Variants in DLGAP1 observed in about 807,000 individuals in gnomAD.
The protein encoded by DLGAP1 is DLG associated protein 1, also known as disks large-associated protein 1.
Under a neutral mutation model 90.8 loss-of-function variants are expected in DLGAP1, and 11 were observed. That is an observed-to-expected ratio of 0.12 (90% CI 0.08 to 0.20). The LOEUF (loss-of-function observed/expected upper bound fraction) is 0.20. Ranked by LOEUF, DLGAP1 falls within the 10% of genes least tolerant of loss-of-function variation. The pLI is 1.00. For missense variants in DLGAP1, 1,050 were observed against 1,333.8 expected (o/e 0.79, Z 3.31); for synonymous variants, 558 against 540.7 (o/e 1.03, Z -0.44).
intron 2 of DLGAP1, among the ~76,000 whole-genome samples, chr18:4,039,261 A>G (rs2074939209): frequency 1.3e-5 from 2 of 152,292 alleles, no homozygotes; most frequent in Non-Finnish European, 1.5e-5. Context: ...TCTCTGACCC[A>G]GGCCCCACTA....
intron 1 of DLGAP1, among the ~76,000 whole-genome samples, chr18:4,247,399 C>T (rs1333740207): frequency 6.6e-6 from 1 of 152,202 alleles, no homozygotes; most frequent in Non-Finnish European, 1.5e-5. Context: ...CCCATGCGGC[C>T]TTGGCTTCAG....
intron 1 of DLGAP1, among the ~76,000 whole-genome samples, chr18:4,223,995 GA>G (rs2078133683): frequency 6.6e-6 from 1 of 152,196 alleles, no homozygotes; most frequent in African/African-American, 2.4e-5. Flanking sequence ...TCTAGTTAGA[GA>G]AATGAGAATG....
intron 2 of DLGAP1, among the ~76,000 whole-genome samples, chr18:4,149,628 C>T (rs144196773): frequency 5.9e-5 from 9 of 152,292 alleles, no homozygotes; most frequent in South Asian, 2.1e-4. Context: ...GCGTGCATTA[C>T]GGCCTGAGCT....
intron 5 of DLGAP1, among the ~76,000 whole-genome samples, chr18:3,770,766 C>A (rs902204271): frequency 6.6e-6 from 1 of 152,190 alleles, no homozygotes; most frequent in Non-Finnish European, 1.5e-5. Context: ...CCCATCAATC[C>A]ATTATCACCA....
intron 2 of DLGAP1, among the ~76,000 whole-genome samples, chr18:4,145,206 T>C (rs1393946575): frequency 6.6e-6 from 1 of 152,232 alleles, no homozygotes; most frequent in African/African-American, 2.4e-5. Flanking sequence ...ATTATCATCC[T>C]GATAGTGATA....
intron 10 of DLGAP1, 120 bp from the exon 11 acceptor site, chr18:3,508,781 G>A: frequency 1.4e-6 from 1 of 699,144 alleles, no homozygotes; most frequent in South Asian, 2.0e-5. Flanking sequence ...CACACACACT[G>A]AACACTCATG....
chr18:4,114,092 G>T (rs1218854851), intron 2 of DLGAP1, among the ~76,000 whole-genome samples: 4 of 108,968 alleles, frequency 3.7e-5, no homozygotes, highest in African/African-American at 3.2e-5. Flanking sequence ...GCTTAGAATT[G>T]CTTTGGATAA....
chr18:3,712,640 CA>C (rs1315212455), intron 7 of DLGAP1, among the ~76,000 whole-genome samples: 1 of 152,164 alleles, frequency 6.6e-6, no homozygotes, highest in Non-Finnish European at 1.5e-5. Context: ...GCAGTGGTGT[CA>C]GGGGGCTAAT....
At chr18:3,512,854 CT>C (rs550176423) in intron 10 of DLGAP1, among the ~76,000 whole-genome samples, 1 of 152,122 alleles carries the variant, frequency 6.6e-6, no homozygotes, top group African/African-American at 2.4e-5. Flanking sequence ...TGATTTCCTT[CT>C]TTTTTTTCTT....
At chr18:4,115,286 A>C (rs2076042098) in intron 2 of DLGAP1, among the ~76,000 whole-genome samples, 1 of 151,884 alleles carries the variant, frequency 6.6e-6, no homozygotes, top group Non-Finnish European at 1.5e-5. Context: ...TATTGAGCTA[A>C]ATATGTTACA....
chr18:3,988,753 A>G (rs2073894981), intron 3 of DLGAP1, among the ~76,000 whole-genome samples: 1 of 152,138 alleles, frequency 6.6e-6, no homozygotes, highest in Non-Finnish European at 1.5e-5. Context: ...TGTGTACTGT[A>G]CCAGTACCAG....
chr18:4,290,705 T>C (rs917565163), intron 1 of DLGAP1, among the ~76,000 whole-genome samples: 5 of 152,206 alleles, frequency 3.3e-5, no homozygotes, highest in Admixed American at 6.5e-5. Flanking sequence ...GAGCTGTCAA[T>C]GATTACTCAG....
chr18:4,448,586 T>C (rs1272818718), intron 1 of DLGAP1, among the ~76,000 whole-genome samples: 2 of 152,142 alleles, frequency 1.3e-5, no homozygotes, highest in African/African-American at 2.4e-5. Context: ...TGTCTCACCA[T>C]TCCTCACAGG....
chr18:3,745,147 A>G (rs2063215292), intron 5 of DLGAP1, among the ~76,000 whole-genome samples: 1 of 152,220 alleles, frequency 6.6e-6, no homozygotes, highest in Non-Finnish European at 1.5e-5. Context: ...CTAAAGATAG[A>G]AAGTAGGTGA....
intron 3 of DLGAP1, among the ~76,000 whole-genome samples, chr18:3,989,382 C>T (rs76980405): frequency 9.8e-4 from 150 of 152,288 alleles, no homozygotes; most frequent in African/African-American, 3.4e-3. Context: ...TGGTAAGTGG[C>T]AGGCTCAGGA....
intron 7 of DLGAP1, among the ~76,000 whole-genome samples, chr18:3,704,917 A>C (rs577296746): frequency 6.6e-6 from 1 of 152,354 alleles, no homozygotes; most frequent in South Asian, 2.1e-4. Flanking sequence ...GATGTTTTGG[A>C]TAGCAGTCTT....
At chr18:4,348,713 C>T (rs756913840) in intron 1 of DLGAP1, among the ~76,000 whole-genome samples, 1 of 151,998 alleles carries the variant, frequency 6.6e-6, no homozygotes, top group Admixed American at 6.6e-5. Context: ...TGAGCATGTG[C>T]TCAAAATTTC....
intron 3 of DLGAP1, among the ~76,000 whole-genome samples, chr18:3,892,618 C>T (rs1432345218): frequency 6.6e-6 from 1 of 152,054 alleles, no homozygotes; most frequent in African/African-American, 2.4e-5. Context: ...CGTGAACAAT[C>T]AGCAAACAAT....
At chr18:4,003,670 A>G (rs1413041513) in intron 3 of DLGAP1, among the ~76,000 whole-genome samples, 3 of 152,158 alleles carry the variant, frequency 2.0e-5, no homozygotes, top group Non-Finnish European at 4.4e-5. Context: ...CTGTTTTAAT[A>G]GAGGGAGAGA....
Sources: gnomAD v4.1 joint callset for allele counts (sites outside exome capture counted in the v4.1 genomes callset) on GRCh38, gnomAD v4.1.1 for gene constraint, MANE v1.5 for transcripts, NCBI Gene and HGNC (gene_info 2026-07-23, HGNC 2026-07-21) for gene names.